The following MEF2A variants were observed in gnomAD, a reference collection of about 807,000 sequenced individuals.
MEF2A encodes the protein myocyte-specific enhancer factor 2A.
In MEF2A, 28 loss-of-function variants were observed where a neutral mutation model predicts 55.8. The observed-to-expected ratio is 0.50, with a 90% CI of 0.37 to 0.69. The LOEUF (loss-of-function observed/expected upper bound fraction) is 0.69, where lower values mean the gene tolerates loss of function less well. Among genes scored for constraint, MEF2A ranks in the 30% least tolerant of loss-of-function variants. The pLI is 0.00. For missense variants in MEF2A, 528 were observed against 626.2 expected, an observed-to-expected ratio of 0.84 and a Z score of 1.67; for synonymous variants, 239 against 227.1, an observed-to-expected ratio of 1.05 and a Z score of -0.47.
chr15:99,624,107 GATCTGCAGTTATT>G (rs1334789978), intron 2 of MEF2A, among the ~76,000 whole-genome samples: 1 of 152,118 alleles, frequency 6.6e-6, no homozygotes, highest in African/African-American at 2.4e-5. Context: ...GCCCGGCCGT[GATCTGCAGTTATT>G]ATCTTTCATT....
At chr15:99,577,341 G>A (rs1964613085) in intron 1 of MEF2A, among the ~76,000 whole-genome samples, 1 of 152,132 alleles carries the variant, frequency 6.6e-6, no homozygotes, top group Non-Finnish European at 1.5e-5. Context: ...TTATTTCACA[G>A]TTTGAAATAA....
At chr15:99,708,021 T>C (rs1233886686) in intron 10 of MEF2A, among the ~76,000 whole-genome samples, 1 of 152,192 alleles carries the variant, frequency 6.6e-6, no homozygotes, top group East Asian at 1.9e-4. Context: ...GTCAACTGCA[T>C]ACTATCTTAG....
At chr15:99,658,271 GA>G (rs2048073317) in intron 4 of MEF2A, among the ~76,000 whole-genome samples, 1 of 152,232 alleles carries the variant, frequency 6.6e-6, no homozygotes, top group East Asian at 1.9e-4. Context: ...TTCAAGATGT[GA>G]AAAAATACGA....
At chr15:99,631,438 T>C (rs995867063) in intron 2 of MEF2A, among the ~76,000 whole-genome samples, 1 of 152,222 alleles carries the variant, frequency 6.6e-6, no homozygotes, top group Non-Finnish European at 1.5e-5. Flanking sequence ...GGGGCTTTTG[T>C]ACATGTTGTT....
At chr15:99,585,167 T>C (rs954323933) in intron 1 of MEF2A, among the ~76,000 whole-genome samples, 1 of 152,244 alleles carries the variant, frequency 6.6e-6, no homozygotes, top group African/African-American at 2.4e-5. Flanking sequence ...CATTCTCTTA[T>C]CTGTATTTTT....
intron 4 of MEF2A, among the ~76,000 whole-genome samples, chr15:99,666,791 AGTAT>A (rs1475208306): frequency 6.6e-6 from 1 of 152,110 alleles, no homozygotes; most frequent in African/African-American, 2.4e-5. Context: ...ATTTTTAGGC[AGTAT>A]GCCCTCCTCT....
intron 1 of MEF2A, among the ~76,000 whole-genome samples, chr15:99,597,155 G>A (rs571993180): frequency 5.3e-5 from 8 of 152,118 alleles, no homozygotes; most frequent in Admixed American, 1.3e-4. Flanking sequence ...TCTGACTGCC[G>A]GTGAGCCGGG....
At chr15:99,603,581 G>GT (rs1555455162) in intron 2 of MEF2A, among the ~76,000 whole-genome samples, 2 of 150,332 alleles carry the variant, frequency 1.3e-5, no homozygotes, top group Non-Finnish European at 3.0e-5. Context: ...GTGTGTGTTT[G>GT]GTAGAGATGG....
chr15:99,675,077 C>T (rs1811104934), intron 6 of MEF2A, among the ~76,000 whole-genome samples: 1 of 152,050 alleles, frequency 6.6e-6, no homozygotes, highest in African/African-American at 2.4e-5. Context: ...CTCTTAAGTC[C>T]TAGATTTAAT....
At chr15:99,617,222 T>G (rs1489204349) in intron 2 of MEF2A, among the ~76,000 whole-genome samples, 1 of 151,916 alleles carries the variant, frequency 6.6e-6, no homozygotes, top group Non-Finnish European at 1.5e-5. Context: ...ACTTCAGAAC[T>G]GTATGAGAAG....
At chr15:99,681,797 C>T (rs554415576) in intron 7 of MEF2A, 1 of 152,228 alleles carries the variant, frequency 6.6e-6, no homozygotes, top group South Asian at 2.1e-4. Flanking sequence ...TTAGACTAGT[C>T]AGGTGCAGTA....
chr15:99,633,299 T>C, intron 3 of MEF2A, 126 bp downstream of exon 3: 1 of 586,176 alleles, frequency 1.7e-6, no homozygotes, highest in Non-Finnish European at 2.8e-6. Flanking sequence ...ACAGACTAAA[T>C]GAAAAATTCT....
intron 2 of MEF2A, among the ~76,000 whole-genome samples, chr15:99,627,280 C>A (rs2042188163): frequency 6.6e-6 from 1 of 151,732 alleles, no homozygotes; most frequent in Admixed American, 6.6e-5. Flanking sequence ...ATTAGCTGAA[C>A]ATGATGATGG....
At chr15:99,627,954 T>G (rs1432342830) in intron 2 of MEF2A, among the ~76,000 whole-genome samples, 2 of 152,196 alleles carry the variant, frequency 1.3e-5, no homozygotes, top group East Asian at 1.9e-4. Context: ...GGGGATTTTT[T>G]TGTGTGCTGA....
At chr15:99,601,855 GTGTC>G (rs1402606060) in intron 2 of MEF2A, among the ~76,000 whole-genome samples, 123 of 40,156 alleles carry the variant, frequency 3.1e-3, no homozygotes, top group Non-Finnish European at 6.8e-3. Flanking sequence ...GTGTGTGTGT[GTGTC>G]AGGGTAATGC....
At chr15:99,694,157 C>A (rs1204453604) in intron 8 of MEF2A, among the ~76,000 whole-genome samples, 1 of 152,108 alleles carries the variant, frequency 6.6e-6, no homozygotes, top group Non-Finnish European at 1.5e-5. Flanking sequence ...CTAAGACTTT[C>A]CTTGCTTTAA....
At chr15:99,637,070 A>C (rs1462293525) in intron 3 of MEF2A, among the ~76,000 whole-genome samples, 1 of 149,690 alleles carries the variant, frequency 6.7e-6, no homozygotes, top group Non-Finnish European at 1.5e-5. Flanking sequence ...TTAATTCTGC[A>C]CTGTTTTAAT....
chr15:99,708,738 C>G (rs1179835813), intron 10 of MEF2A, among the ~76,000 whole-genome samples: 2 of 152,138 alleles, frequency 1.3e-5, no homozygotes, highest in African/African-American at 2.4e-5. Flanking sequence ...ACACACAGCT[C>G]TAGGGATAAG....
At chr15:99,598,322 G>A (rs755917226) in intron 1 of MEF2A, 108 bp from the exon 2 acceptor site, 15 of 152,184 alleles carry the variant, frequency 9.9e-5, no homozygotes, top group Non-Finnish European at 1.9e-4. Flanking sequence ...TATTTGTGGA[G>A]CTTTCTGCTA....
Sources: allele counts gnomAD v4.1 joint callset (sites outside exome capture counted in the v4.1 genomes callset), GRCh38; gene constraint gnomAD v4.1.1; transcripts MANE v1.5; gene names NCBI Gene and HGNC (gene_info 2026-07-23, HGNC 2026-07-21).